Variants in ABCA13 observed in about 807,000 individuals in gnomAD.
ABCA13 encodes ATP binding cassette subfamily A member 13, also known as ATP-binding cassette sub-family A member 13.
In ABCA13, 476 loss-of-function variants were observed where a neutral mutation model predicts 478.7. The observed-to-expected ratio is 0.99, with a 90% CI of 0.92 to 1.07. ABCA13 has a LOEUF of 1.07. Ranked by LOEUF, ABCA13 falls within the 50% of genes least tolerant of loss-of-function variation. The pLI, the probability that ABCA13 is intolerant of heterozygous loss-of-function variation, is 0.00. For missense variants in ABCA13, 6,060 were observed against 5,910.6 expected (o/e 1.03, Z -0.83); for synonymous variants, 2,252 against 2,158.9 (o/e 1.04, Z -1.20).
intron 14 of ABCA13, 112 bp from the exon 15 acceptor site, chr7:48,249,100 A>C (rs1792137374): frequency 1.2e-6 from 1 of 867,538 alleles, no homozygotes; most frequent in African/African-American, 1.7e-5. Context: ...TCCTTACATA[A>C]GTGGACTGCC....
intron 31 of ABCA13, among the ~76,000 whole-genome samples, chr7:48,353,884 A>T (rs897236015): frequency 6.6e-6 from 1 of 152,026 alleles, no homozygotes; most frequent in Non-Finnish European, 1.5e-5. Flanking sequence ...ACTGTTAGTA[A>T]GCCTCTTAAC....
chr7:48,458,355 C>G (rs1825893158), intron 43 of ABCA13, among the ~76,000 whole-genome samples: 1 of 152,152 alleles, frequency 6.6e-6, no homozygotes, highest in African/African-American at 2.4e-5. Context: ...TGTGGGACAA[C>G]CCCATTTTAT....
chr7:48,290,625 C>T (rs916377526), intron 20 of ABCA13, among the ~76,000 whole-genome samples: 1 of 152,166 alleles, frequency 6.6e-6, no homozygotes, highest in African/African-American at 2.4e-5. Flanking sequence ...TTAAGAATAA[C>T]ATCCATAGCA....
At position 48,230,608 on chromosome 7, in the gene ABCA13, CA is replaced by C. The variant is rs1487872999; in HGVS notation, c.763+654del. Among the ~76,000 whole-genome samples, 3 of 152,280 alleles carry C rather than the reference CA, an allele frequency of 2.0e-5. No individual in the cohort carries two copies. In the East Asian group the frequency reaches 5.8e-4, roughly 29 times the overall value. On this transcript the variant is annotated intron_variant, in intron 7 of 61. Coordinates refer to ENST00000435803, the MANE Select transcript of ABCA13 (RefSeq NM_152701.5). ...CTGTTCATCTGTCCATCCATCCACC[CA>C]CACATCCATTCATCCATCCATCCAT...
chr7:48,389,719 T>C (rs1815757151), intron 37 of ABCA13, among the ~76,000 whole-genome samples: 1 of 152,230 alleles, frequency 6.6e-6, no homozygotes, highest in Admixed American at 6.5e-5. Flanking sequence ...TCAATGGCTC[T>C]AGATTTGATT....
chr7:48,276,457 C>T lies in ABCA13; in HGVS notation c.6791C>T (p.Thr2264Ile), dbSNP rs995250710. The stretch of plus-strand genomic sequence containing the variant: ...TCTCTGAGAAGCATAGTAGATTTCA[C>T]AGAACAGTTTTTGAAAACATTCTTC... ...VLSLRSIVDF[T>I]EQFLKTFFSL... The change falls in exon 17 of 62, where the codon ACA becomes ATA. Residue 2264 changes from threonine to isoleucine, a missense_variant. Coordinates refer to ENST00000435803, the MANE Select transcript of ABCA13 (RefSeq NM_152701.5). 6.3e-7 allele frequency: 1 copy of T among 1,596,034 alleles called. No homozygotes were observed. Among genetic ancestry groups the T allele is most frequent in the African/African-American group, 1.3e-5 (1 of 74,352 alleles).
Position 48,389,221 on chromosome 7 carries a change from G to A in ABCA13, c.11654+1G>A. On this transcript the variant is annotated splice_donor_variant, in intron 37 of 61. Transcript: ENST00000435803. LOFTEE classifies it high-confidence loss of function. ...ACGGTGCCGGGAAAACCACTATCATGTGGGTCCCATTTTACCCTTATCAAA... is the reference window on the plus strand; with the variant it reads ...ACGGTGCCGGGAAAACCACTATCATATGGGTCCCATTTTACCCTTATCAAA... 1 of 1,612,386 alleles carries A rather than the reference G, an allele frequency of 6.2e-7. No homozygotes were observed. The highest frequency in any genetic ancestry group is 8.5e-7 in the Non-Finnish European group (1 of 1,179,118).
chr7:48,301,892 T>C (rs1029589795), intron 23 of ABCA13, among the ~76,000 whole-genome samples: 1 of 152,210 alleles, frequency 6.6e-6, no homozygotes, highest in Non-Finnish European at 1.5e-5. Flanking sequence ...TTCACTAAAA[T>C]AAAGTGAAAT....
At chr7:48,335,852 A>T (rs1373146768) in intron 28 of ABCA13, among the ~76,000 whole-genome samples, 3 of 152,222 alleles carry the variant, frequency 2.0e-5, no homozygotes, top group Non-Finnish European at 2.9e-5. Context: ...ACAATCAATG[A>T]TCATTTCTGC....
In ABCA13 at chr7:48,458,641, C is replaced by A. The variant is rs545490640; in HGVS notation, c.12815+3355C>A. 6.8e-4 allele frequency among the ~76,000 whole-genome samples: 103 copies of A among 152,272 alleles called. 1 individual carries two copies. The highest frequency in any genetic ancestry group is 2.4e-3 in the African/African-American group (101 of 41,564). ...TCTACATTAAATTCACTGAAAATTT[C>A]TTGCAGAATACAAATCTTCATAAAA... is the stretch of plus-strand genomic sequence containing the variant. On this transcript the variant is annotated intron_variant, in intron 43 of 61. Transcript: ENST00000435803.
chr7:48,593,242 TTG>T (rs35781047), intron 57 of ABCA13, among the ~76,000 whole-genome samples: 14,419 of 147,646 alleles, frequency 0.098, 1,039 homozygotes, highest in African/African-American at 0.22. Context: ...TTTTTTTCTT[TTG>T]TGTGTGTGTG....
intron 15 of ABCA13, among the ~76,000 whole-genome samples, chr7:48,254,534 C>T (rs1025473587): frequency 3.3e-5 from 5 of 152,076 alleles, no homozygotes; most frequent in African/African-American, 4.8e-5. Flanking sequence ...ACACCCAAAG[C>T]ACTCTACATA....
chr7:48,271,873 T>C lies in ABCA13; in HGVS notation c.2207T>C (p.Phe736Ser). 1 of 1,608,236 alleles carries C rather than the reference T, an allele frequency of 6.2e-7. No individual in the cohort carries two copies. Among genetic ancestry groups the C allele is most frequent in the Non-Finnish European group, 8.5e-7 (1 of 1,176,894 alleles). ...GAACAAATGAACTTTCTTTTATCAT[T>C]TGTGGAATTTTTTGAGAAATTATTG... Reference protein sequence around the residue: ...EDEQMNFLLSFVEFFEKLLLP... With the variant: ...EDEQMNFLLSSVEFFEKLLLP... The change falls in exon 17 of 62, where the codon TTT becomes TCT. Residue 736 changes from phenylalanine (F) to serine (S), a missense_variant. Physicochemically the swap from Phe to Ser is radical, Grantham distance 155. Coordinates refer to ENST00000435803, the MANE Select transcript of ABCA13 (RefSeq NM_152701.5).
At chr7:48,623,145 G>T (rs1378034109) in intron 59 of ABCA13, among the ~76,000 whole-genome samples, 1 of 152,136 alleles carries the variant, frequency 6.6e-6, no homozygotes, top group African/African-American at 2.4e-5. Context: ...ATCTTCAATG[G>T]TGTCTGCACC....
intron 59 of ABCA13, among the ~76,000 whole-genome samples, chr7:48,624,402 T>C (rs969851346): frequency 4.6e-5 from 7 of 152,072 alleles, no homozygotes; most frequent in South Asian, 2.1e-4. Context: ...AAGTCTGACT[T>C]GGTAAAAACA....
rs1229785835 is a variant in ABCA13, at chr7:48,411,037, T to TTC, written c.12228+362_12228+363dup. ...TTTCTTTCTTTCTTTCTTTCTTTCTTTCTTTCTTTCTTTTTCTTTCTTTCT... is the reference window on the plus strand; with the variant it reads ...TTTCTTTCTTTCTTTCTTTCTTTCTTTCTCTTTCTTTCTTTTTCTTTCTTTCT... On this transcript the variant is annotated intron_variant, in intron 40 of 61. Coordinates refer to ENST00000435803, the MANE Select transcript of ABCA13 (RefSeq NM_152701.5). Among the ~76,000 whole-genome samples, 2 of 116,484 alleles carry TTC rather than the reference T, an allele frequency of 1.7e-5. 1 individual carries two copies. The highest frequency in any genetic ancestry group is 1.9e-4 in the Admixed American group (2 of 10,754). 76.4% of individuals were successfully genotyped at this position (116,484 alleles called of 152,430 possible). A position where few individuals can be genotyped will look rare whatever the true frequency, so the allele number is the denominator to read the frequency against.
At chr7:48,399,312 GA>G (rs1817274310) in intron 38 of ABCA13, among the ~76,000 whole-genome samples, 1 of 152,228 alleles carries the variant, frequency 6.6e-6, no homozygotes, top group Admixed American at 6.5e-5. Flanking sequence ...TTGAGCTACA[GA>G]GCAGGTGGCT....
chr7:48,189,638 C>T (rs866741656), intron 1 of ABCA13, among the ~76,000 whole-genome samples: 3 of 152,088 alleles, frequency 2.0e-5, no homozygotes, highest in African/African-American at 7.2e-5. Flanking sequence ...AACTAGAGAT[C>T]GGATGTGGAT....
At chr7:48,256,791 C>G (rs970733875) in intron 15 of ABCA13, among the ~76,000 whole-genome samples, 2 of 152,146 alleles carry the variant, frequency 1.3e-5, no homozygotes, top group Non-Finnish European at 2.9e-5. Flanking sequence ...ATTGCCTTGG[C>G]TATTCGGGCA....
Sources: allele counts gnomAD v4.1 joint callset (sites outside exome capture counted in the v4.1 genomes callset), GRCh38; gene constraint gnomAD v4.1.1; transcripts MANE v1.5; gene names NCBI Gene and HGNC (gene_info 2026-07-23, HGNC 2026-07-21).